PPOX: variants seen among roughly 807,000 people sequenced by gnomAD.
The protein encoded by PPOX is protoporphyrinogen oxidase.
PPOX carries 23 observed loss-of-function variants against 54.1 expected under a neutral mutation model. That is an observed-to-expected ratio of 0.43 (90% confidence interval 0.31 to 0.60). The LOEUF is 0.60. Among genes scored for constraint, PPOX ranks in the 20% least tolerant of loss-of-function variants. PPOX has a pLI of 0.13. For missense variants in PPOX, 512 were observed against 601.1 expected (o/e 0.85, Z 1.55); for synonymous variants, 224 against 236.1 (o/e 0.95, Z 0.47).
At chr1:161,173,505 G>T, downstream of PPOX, 1 of 1,540,364 alleles carries the variant, frequency 6.5e-7, no homozygotes, top group Non-Finnish European at 8.9e-7. Context: ...GCAGGACCAG[G>T]GAGCTAAAGG....
downstream of PPOX, among the ~76,000 whole-genome samples, chr1:161,172,581 C>T (rs1266750554): frequency 6.6e-6 from 1 of 152,196 alleles, no homozygotes; most frequent in Non-Finnish European, 1.5e-5. Context: ...ATTCCCTTGG[C>T]TTCCTAAAGG....
At chr1:161,166,091 G>A, upstream of PPOX, 3 of 985,288 alleles carry the variant, frequency 3.0e-6, no homozygotes, top group Non-Finnish European at 3.6e-6. Context: ...CCCGTGGACT[G>A]GCCTTAAGTG....
downstream of PPOX, chr1:161,171,232 G>A: frequency 6.2e-7 from 1 of 1,611,490 alleles, no homozygotes; most frequent in Non-Finnish European, 8.5e-7. Flanking sequence ...TGGTCTGGCT[G>A]TTCTATCACC....
chr1:161,176,210 A>G (rs1663454980), downstream of PPOX: 2 of 942,918 alleles, frequency 2.1e-6, no homozygotes, highest in Admixed American at 2.6e-5. Context: ...GGGAGCACAC[A>G]GGTGCACAGT....
intron 10 of PPOX, 33 bp from the exon 11 acceptor site, chr1:161,170,587 G>A: frequency 3.7e-6 from 6 of 1,614,168 alleles, no homozygotes; most frequent in Non-Finnish European, 5.1e-6. Context: ...TGTAGGCAAG[G>A]CCAGACTGAT....
At position 161,166,662 on chromosome 1, in the gene PPOX, A is replaced by T. The variant is rs1659012587; in HGVS notation, c.-19A>T. ...TTCTCCCTCATTTTCTCTCATCCCT[A>T]CCTATTGTGGGTGAGTCCTGGCCCC... On this transcript the variant is annotated 5_prime_UTR_variant, in exon 1 of 13. Coordinates refer to ENST00000367999, the MANE Select transcript of PPOX (RefSeq NM_001122764.3). 1.3e-6 allele frequency: 2 copies of T among 1,490,612 alleles called. No individual in the cohort carries two copies. The allele number at this position is 1,490,612 out of a possible 1,614,324, so 92.3% of individuals were successfully genotyped here.
At chr1:161,168,356 C>T (rs1659864130) in intron 5 of PPOX, 76 bp from the exon 6 acceptor site, 1 of 1,607,654 alleles carries the variant, frequency 6.2e-7, no homozygotes, top group Non-Finnish European at 8.5e-7. Flanking sequence ...ACCCTCATTC[C>T]CTACCAAATA....
downstream of PPOX, chr1:161,176,109 G>A (rs113495780): frequency 4.4e-6 from 7 of 1,607,244 alleles, no homozygotes; most frequent in African/African-American, 4.0e-5. Context: ...GGGGTAGGCA[G>A]GAAGAGAGCA....
intron 7 of PPOX, 106 bp from the exon 8 acceptor site, chr1:161,169,554 C>T (rs1489736991): frequency 2.5e-6 from 3 of 1,194,242 alleles, no homozygotes; most frequent in South Asian, 1.2e-5. Context: ...ACACAGTCTC[C>T]CCGGCCACAT....
rs766074300 is a variant in PPOX at position 161,168,572 on chromosome 1, G to A, written c.612G>A (p.Gly204=). 6.2e-7 allele frequency: 1 copy of A among 1,614,026 alleles called. No individual in the cohort carries two copies. Among genetic ancestry groups the A allele is most frequent in the Non-Finnish European group, 8.5e-7 (1 of 1,180,012 alleles). ...HRSILLGLLL[G]AGRTPQPDSA... ...CCATATTACTGGGCCTGCTGCTGGG[G>A]GCAGGTGAGGGGGGATTGATTCAGA... The change falls in exon 6 of 13, where the codon GGG becomes GGA. Residue 204 remains glycine, a synonymous_variant. Coordinates refer to ENST00000367999, the MANE Select transcript of PPOX (RefSeq NM_001122764.3).
downstream of PPOX, chr1:161,171,586 A>G: frequency 1.6e-6 from 1 of 626,814 alleles, no homozygotes; most frequent in Non-Finnish European, 2.7e-6. Flanking sequence ...TAAAATCATG[A>G]CATCAAGGAT....
In PPOX at chr1:161,166,828, C is replaced by G. The variant is rs879329309; in HGVS notation, c.-8-12C>G. Reference sequence around the variant, plus strand: ...CCCGGTCTGCCTGTCCATATCGCCCCCTTTCCCCCAGGTTTCCGCATGGGC... The same window carrying G: ...CCCGGTCTGCCTGTCCATATCGCCCGCTTTCCCCCAGGTTTCCGCATGGGC... On this transcript the variant is annotated splice_polypyrimidine_tract_variant and intron_variant, in intron 1 of 12. Transcript: ENST00000367999. 1.9e-6 allele frequency: 3 copies of G among 1,612,526 alleles called. No individual in the cohort carries two copies. In the East Asian group the frequency reaches 6.7e-5, roughly 36 times the overall value.
At chr1:161,177,845 C>T (rs1664132107), downstream of PPOX, 1 of 152,290 alleles carries the variant, frequency 6.6e-6, no homozygotes, top group Non-Finnish European at 1.5e-5. Context: ...GCTGAGCCCT[C>T]TCCCAGTGTG....
chr1:161,168,013 A>AC lies in PPOX; in HGVS notation c.363dup (p.Phe122LeufsTer22). ...CATGCAGGGGGCTACTCCGCCCTTCACCCCCCTTCTCCAAACCTCTGTTTT... is the reference window on the plus strand; with the variant it reads ...CATGCAGGGGGCTACTCCGCCCTTCACCCCCCCTTCTCCAAACCTCTGTTTT... On this transcript the variant is annotated frameshift_variant, in exon 5 of 13. Transcript: ENST00000367999. LOFTEE classifies it high-confidence loss of function. 6.2e-7 allele frequency: 1 copy of AC among 1,613,240 alleles called. No homozygotes were observed. Among genetic ancestry groups the AC allele is most frequent in the Non-Finnish European group, 8.5e-7 (1 of 1,179,830 alleles).
downstream of PPOX, chr1:161,171,811 A>AG: frequency 6.2e-7 from 1 of 1,613,814 alleles, no homozygotes; most frequent in Non-Finnish European, 8.5e-7. Flanking sequence ...GACAGGAAGG[A>AG]GGAGTCAGTG....
chr1:161,170,168 T>C, intron 9 of PPOX, 144 bp downstream of exon 9: 1 of 1,088,434 alleles, frequency 9.2e-7, no homozygotes, highest in Non-Finnish European at 1.3e-6. Flanking sequence ...CTACGAAAAA[T>C]ACAAAAATTA....
chr1:161,177,955 T>G (rs1004470916), downstream of PPOX: 1 of 152,236 alleles, frequency 6.6e-6, no homozygotes, highest in Non-Finnish European at 1.5e-5. Context: ...GTATTCCCGT[T>G]GTATCCCGCA....
chr1:161,169,489 G>T, intron 7 of PPOX, 171 bp from the exon 8 acceptor site: 1 of 772,716 alleles, frequency 1.3e-6, no homozygotes, highest in Non-Finnish European at 2.2e-6. Flanking sequence ...GTACACAGAG[G>T]AATGATTTTT....
rs1056668269 is a variant in PPOX at position 161,166,626 on chromosome 1, C to T, written c.-55C>T. The T allele has an allele frequency of 1.4e-6, 2 of 1,461,850 alleles. No individual in the cohort carries two copies. Among genetic ancestry groups the T allele is most frequent in the African/African-American group, 1.4e-5 (1 of 71,046 alleles). The allele number at this position is 1,461,850 out of a possible 1,614,324, so 90.6% of individuals were successfully genotyped here. ...GCGCCGGCGGGGTACGGTCTTAGGA[C>T]CTCGATCTCCTTCTCCCTCATTTTC... On this transcript the variant is annotated 5_prime_UTR_variant, in exon 1 of 13. Coordinates refer to ENST00000367999, the MANE Select transcript of PPOX (RefSeq NM_001122764.3).
Sources: allele counts gnomAD v4.1 joint callset (sites outside exome capture counted in the v4.1 genomes callset), GRCh38; gene constraint gnomAD v4.1.1; transcripts MANE v1.5; gene names NCBI Gene and HGNC (gene_info 2026-07-23, HGNC 2026-07-21).